Variants in ZNF280B observed in about 807,000 individuals in gnomAD.
ZNF280B encodes the protein suppressor of hairy wing homolog 2.
A neutral mutation model predicts 38.0 loss-of-function variants in ZNF280B; 16 were observed. That is an observed-to-expected ratio of 0.42 (90% CI 0.28 to 0.64). ZNF280B has a LOEUF of 0.64. Among genes scored for constraint, ZNF280B ranks in the 30% least tolerant of loss-of-function variants. The pLI, the probability that ZNF280B is intolerant of heterozygous loss-of-function variation, is 0.21. For synonymous variants in ZNF280B, 253 were observed against 230.6 expected, an observed-to-expected ratio of 1.10 and a Z score of -0.88; for missense variants, 581 against 639.6, an observed-to-expected ratio of 0.91 and a Z score of 0.99.
At position 22,487,176 on chromosome 22, in the gene ZNF280B, A is replaced by C. The variant is rs976522915; in HGVS notation, c.*591T>G. 1 of 151,876 alleles carries C rather than the reference A, an allele frequency of 6.6e-6. No homozygotes were observed. Among genetic ancestry groups the C allele is most frequent in the African/African-American group, 2.4e-5 (1 of 41,362 alleles). 9.4% of individuals were successfully genotyped at this position (151,876 alleles called of 1,614,324 possible). A position where few individuals can be genotyped will look rare whatever the true frequency, so the allele number is the denominator to read the frequency against. On this transcript the variant is annotated 3_prime_UTR_variant, in exon 4 of 4. Coordinates refer to ENST00000626650, the MANE Select transcript of ZNF280B (RefSeq NM_080764.4). ...CAATAAATAGGTGCCAGGGGCAGTG[A>C]CTCACACAACCCAGCACTTGGGGAG...
At chr22:22,500,513 T>C (rs2061795178) in intron 2 of ZNF280B, among the ~76,000 whole-genome samples, 1 of 151,894 alleles carries the variant, frequency 6.6e-6, no homozygotes, top group African/African-American at 2.4e-5. Context: ...CTTTTGTATT[T>C]GTATAATTCC....
intron 3 of ZNF280B, among the ~76,000 whole-genome samples, chr22:22,490,302 G>A (rs2061567633): frequency 6.6e-6 from 1 of 151,758 alleles, no homozygotes; most frequent in African/African-American, 2.4e-5. Flanking sequence ...TCATTGTTCA[G>A]CTCAAAACCC....
In ZNF280B at chr22:22,484,775, A is replaced by G. The variant is rs2061483849; in HGVS notation, c.*2992T>C. 1 of 152,214 alleles carries G rather than the reference A, an allele frequency of 6.6e-6. No homozygotes were observed. The highest frequency in any genetic ancestry group is 2.1e-4 in the South Asian group (1 of 4,810). The allele number at this position is 152,214 out of a possible 1,614,324, so 9.4% of individuals were successfully genotyped here. On this transcript the variant is annotated 3_prime_UTR_variant, in exon 4 of 4. Coordinates refer to ENST00000626650, the MANE Select transcript of ZNF280B (RefSeq NM_080764.4). The stretch of plus-strand genomic sequence containing the variant: ...ATGATCGCTTTCCAGCTTTTTCATG[A>G]AAACCTAGGAAATTTAAATACTTTG...
At chr22:22,497,030 C>T (rs992972117) in intron 2 of ZNF280B, among the ~76,000 whole-genome samples, 1 of 150,278 alleles carries the variant, frequency 6.7e-6, no homozygotes, top group African/African-American at 2.4e-5. Flanking sequence ...ATTGGTCATG[C>T]TGCTCTCAAA....
chr22:22,488,555 T>C lies in ZNF280B; in HGVS notation c.844A>G (p.Ile282Val). 6.2e-7 allele frequency: 1 copy of C among 1,613,944 alleles called. No homozygotes were observed. The highest frequency in any genetic ancestry group is 8.5e-7 in the Non-Finnish European group (1 of 1,179,976). The change falls in exon 4 of 4, where the codon ATT (isoleucine) becomes GTT (valine). Residue 282 changes from isoleucine to valine, a missense_variant. Ile to Val is a conservative substitution (Grantham distance 29). Transcript: ENST00000626650. The part of the protein sequence containing the change: ...KTFDPKKENP[I>V]VLLSDFYYGQ... The stretch of plus-strand genomic sequence containing the variant: ...TAGTAAAAGTCACTAAGTAACACAA[T>C]GGGATTTTCTTTCTTGGGATCAAAG...
Position 22,489,509 on chromosome 22 carries a change from C to T in ZNF280B, c.-68-43G>A, listed in dbSNP as rs1182948987. 4 of 929,190 alleles carry T rather than the reference C, an allele frequency of 4.3e-6. No homozygotes were observed. In the African/African-American group the frequency reaches 6.7e-5, roughly 15 times the overall value. The allele number at this position is 929,190 out of a possible 1,614,324, so 57.6% of individuals were successfully genotyped here. A position where few individuals can be genotyped will look rare whatever the true frequency, so the allele number is the denominator to read the frequency against. ...TCAGTAAGTACAGGAAAATGCATTA[C>T]CTTATTTAATTTTCCTCCAAAACAT... On this transcript the variant is annotated intron_variant, in intron 3 of 3. Transcript: ENST00000626650.
chr22:22,502,058 T>C (rs573015918), intron 2 of ZNF280B, among the ~76,000 whole-genome samples: 1 of 151,170 alleles, frequency 6.6e-6, no homozygotes, highest in Non-Finnish European at 1.5e-5. Flanking sequence ...GCCTGGGAGG[T>C]TGATGTTGCA....
At chr22:22,492,609 G>A (rs961397517) in intron 3 of ZNF280B, among the ~76,000 whole-genome samples, 7 of 151,826 alleles carry the variant, frequency 4.6e-5, no homozygotes, top group African/African-American at 1.7e-4. Context: ...ATATCTGGCT[G>A]GGCACGGTGG....
chr22:22,501,944 A>G (rs1034836798), intron 2 of ZNF280B, among the ~76,000 whole-genome samples: 1 of 151,728 alleles, frequency 6.6e-6, no homozygotes, highest in African/African-American at 2.4e-5. Context: ...TCAAGAAAAA[A>G]AAAAAATTTA....
rs1334642327 is a variant in ZNF280B at position 22,488,699 on chromosome 22, G to A, written c.700C>T (p.Pro234Ser). The A allele has an allele frequency of 1.2e-6, 2 of 1,613,824 alleles. No individual in the cohort carries two copies. The part of the protein sequence containing the change: ...TSLSHVQNGA[P>S]FPAAFPKDNI... ...TCCTTTGGAAAAGCTGCTGGAAAAG[G>A]TGCTCCATTCTGAACATGGCTTAAT... The change falls in exon 4 of 4, where the codon CCT becomes TCT. Residue 234 changes from proline (P) to serine (S), a missense_variant. Coordinates refer to ENST00000626650, the MANE Select transcript of ZNF280B (RefSeq NM_080764.4).
intron 3 of ZNF280B, among the ~76,000 whole-genome samples, chr22:22,491,611 A>AC (rs1364735792): frequency 2.0e-5 from 3 of 151,716 alleles, no homozygotes; most frequent in Admixed American, 6.6e-5. Flanking sequence ...GGCACATGCC[A>AC]CCACACCCAG....
intron 2 of ZNF280B, among the ~76,000 whole-genome samples, chr22:22,503,358 A>G (rs1464941080): frequency 6.6e-6 from 1 of 151,988 alleles, no homozygotes; most frequent in Non-Finnish European, 1.5e-5. Context: ...TCAATTTCAC[A>G]CCGCAAAGGG....
rs913819009 is a variant in ZNF280B, at chr22:22,503,714, T to TA, written c.-187+4095dup. ...AATATGCTGGTATGACCAAGACAGTTATAGTTTAAACTTCTATCTCTGTGG... is the reference window on the plus strand; with the variant it reads ...AATATGCTGGTATGACCAAGACAGTTAATAGTTTAAACTTCTATCTCTGTGG... On this transcript the variant is annotated intron_variant, in intron 2 of 3. Coordinates refer to ENST00000626650, the MANE Select transcript of ZNF280B (RefSeq NM_080764.4). 4.9e-4 allele frequency among the ~76,000 whole-genome samples: 74 copies of TA among 152,098 alleles called. 1 individual carries two copies. The highest frequency in any genetic ancestry group is 1.8e-3 in the African/African-American group (73 of 41,510).
rs1036758826 is a variant in ZNF280B, at chr22:22,485,604, T to C, written c.*2163A>G. 1 of 151,962 alleles carries C rather than the reference T, an allele frequency of 6.6e-6. No individual in the cohort carries two copies. Among genetic ancestry groups the C allele is most frequent in the African/African-American group, 2.4e-5 (1 of 41,376 alleles). 9.4% of individuals were successfully genotyped at this position (151,962 alleles called of 1,614,324 possible). A position where few individuals can be genotyped will look rare whatever the true frequency, so the allele number is the denominator to read the frequency against. ...AGATAATATACTCACAACTTCTTTGTTATCTGTACTGCCTTCTACTCTAAG... is the reference window on the plus strand; with the variant it reads ...AGATAATATACTCACAACTTCTTTGCTATCTGTACTGCCTTCTACTCTAAG... On this transcript the variant is annotated 3_prime_UTR_variant, in exon 4 of 4. Transcript: ENST00000626650.
chr22:22,485,095 T>C lies in ZNF280B; in HGVS notation c.*2672A>G, dbSNP rs2061487674. On this transcript the variant is annotated 3_prime_UTR_variant, in exon 4 of 4. Transcript: ENST00000626650. The stretch of plus-strand genomic sequence containing the variant: ...AATAGTGCATCATTGGGGAAAACAG[T>C]GGAGAAGCATGACAGAGAATGAAAA... 6.6e-6 allele frequency: 1 copy of C among 151,954 alleles called. No individual in the cohort carries two copies. The highest frequency in any genetic ancestry group is 2.1e-4 in the South Asian group (1 of 4,794). The allele number at this position is 151,954 out of a possible 1,614,324, so 9.4% of individuals were successfully genotyped here. A position where few individuals can be genotyped will look rare whatever the true frequency, so the allele number is the denominator to read the frequency against.
At position 22,487,798 on chromosome 22, in the gene ZNF280B, G is replaced by T; in HGVS notation, c.1601C>A (p.Ser534Tyr). 1 of 1,590,994 alleles carries T rather than the reference G, an allele frequency of 6.3e-7. No homozygotes were observed. The highest frequency in any genetic ancestry group is 1.4e-5 in the African/African-American group (1 of 73,784). The change falls in exon 4 of 4, where the codon TCT becomes TAT. Residue 534 changes from serine to tyrosine, a missense_variant. Ser to Tyr is a moderately radical substitution (Grantham distance 144). Coordinates refer to ENST00000626650, the MANE Select transcript of ZNF280B (RefSeq NM_080764.4). ...TSDSEPSLPR[S>Y]KSKISKKSH ...GGACTTTTTTGAAATTTTGCTTTTA[G>T]ACCTGGGGAGTGATGGTTCAGAGTC...
intron 2 of ZNF280B, among the ~76,000 whole-genome samples, chr22:22,501,039 A>C (rs1259547858): frequency 1.3e-5 from 2 of 150,686 alleles, no homozygotes; most frequent in Middle Eastern, 3.5e-3. Flanking sequence ...AAAAAAAAAA[A>C]AACAAAAAAC....
At chr22:22,499,273 T>C (rs879866758) in intron 2 of ZNF280B, among the ~76,000 whole-genome samples, 2 of 151,408 alleles carry the variant, frequency 1.3e-5, no homozygotes, top group Non-Finnish European at 2.9e-5. Context: ...TAATTTTAAT[T>C]TTTTTTTTGA....
rs531598237 is a variant in ZNF280B, at chr22:22,493,286, C to T, written c.-69+777G>A. 6.4e-4 allele frequency among the ~76,000 whole-genome samples: 97 copies of T among 152,032 alleles called. 1 individual carries two copies. In the South Asian group the frequency reaches 0.018, roughly 29 times the overall value. ...CCTCCCAAAGTGCTGGGATTACAGG[C>T]GTAAGCCACCATGCCCGGCCAATCT... is the stretch of plus-strand genomic sequence containing the variant. On this transcript the variant is annotated intron_variant, in intron 3 of 3. Coordinates refer to ENST00000626650, the MANE Select transcript of ZNF280B (RefSeq NM_080764.4).
Sources: gnomAD v4.1 joint callset for allele counts (sites outside exome capture counted in the v4.1 genomes callset) on GRCh38, gnomAD v4.1.1 for gene constraint, MANE v1.5 for transcripts, NCBI Gene and HGNC (gene_info 2026-07-23, HGNC 2026-07-21) for gene names.